BCAR3: variants seen among roughly 807,000 people sequenced by gnomAD.
BCAR3 encodes BCAR3 adaptor protein, NSP family member.
Under a neutral mutation model 80.1 loss-of-function variants are expected in BCAR3, and 37 were observed. The ratio of observed to expected loss-of-function variants is 0.46; its 90% CI spans 0.36 to 0.61. BCAR3 has a LOEUF of 0.61. BCAR3 is among the 20% of genes least tolerant of loss of function. BCAR3 has a pLI of 0.00. For missense variants in BCAR3, 978 were observed against 1,068.2 expected, an observed-to-expected ratio of 0.92 and a Z score of 1.18; for synonymous variants, 389 against 418.9, an observed-to-expected ratio of 0.93 and a Z score of 0.87.
intron 2 of BCAR3, among the ~76,000 whole-genome samples, chr1:93,800,203 T>C (rs11164998): frequency 0.14 from 21,671 of 152,104 alleles, 2,496 homozygotes; most frequent in African/African-American, 0.31. Flanking sequence ...TTCATATCCA[T>C]ATTGGGGTAG....
chr1:93,748,005 C>T lies in BCAR3; in HGVS notation c.-62-41863G>A, dbSNP rs565099085. ...CTGGTGGTTCATTGGAAGGCCCTCA[C>T]CTTTAGTGAGTAGAAATGTCTGCTT... On this transcript the variant is annotated intron_variant, in intron 2 of 13. Coordinates refer to the BCAR3 transcript ENST00000370244. 2.8e-3 allele frequency among the ~76,000 whole-genome samples: 428 copies of T among 151,898 alleles called. 3 individuals carry two copies. The highest frequency in any genetic ancestry group is 8.0e-3 in the Admixed American group (123 of 15,284).
intron 2 of BCAR3, among the ~76,000 whole-genome samples, chr1:93,715,340 G>T (rs369453681): frequency 1.3e-5 from 2 of 152,150 alleles, no homozygotes; most frequent in African/African-American, 4.8e-5. Flanking sequence ...TCCCTGGAAA[G>T]GTTGTAAGTT....
chr1:93,588,457 G>A (rs1674035146), intron 5 of BCAR3, among the ~76,000 whole-genome samples: 1 of 152,042 alleles, frequency 6.6e-6, no homozygotes, highest in East Asian at 1.9e-4. Flanking sequence ...TTAGGACACC[G>A]TGTTCGCTAT....
rs1018464278 is a variant in BCAR3, at chr1:93,814,298, C to T, written c.-63+31269G>A. Reference sequence around the variant, plus strand: ...ATGTGATTGACAAAGGACCAGATGCCCTGAGTACGAACTCTGACACTTCAC... The same window carrying T: ...ATGTGATTGACAAAGGACCAGATGCTCTGAGTACGAACTCTGACACTTCAC... On this transcript the variant is annotated intron_variant, in intron 2 of 13. Coordinates refer to the BCAR3 transcript ENST00000370244. Among the ~76,000 whole-genome samples, 7 of 152,176 alleles carry T rather than the reference C, an allele frequency of 4.6e-5. 1 individual carries two copies. The highest frequency in any genetic ancestry group is 6.5e-5 in the Admixed American group (1 of 15,282).
chr1:93,770,707 G>A (rs1046126084), intron 2 of BCAR3, among the ~76,000 whole-genome samples: 1 of 152,148 alleles, frequency 6.6e-6, no homozygotes, highest in Non-Finnish European at 1.5e-5. Flanking sequence ...AGTCGTTGGT[G>A]GGAGAACTAG....
chr1:93,562,388 G>A lies in BCAR3; in HGVS notation c.2331C>T (p.Ile777=), dbSNP rs748027776. The A allele has an allele frequency of 6.2e-7, 1 of 1,613,838 alleles. No homozygotes were observed. The highest frequency in any genetic ancestry group is 1.1e-5 in the South Asian group (1 of 90,950). ...GFQPDEEMNE[I]CKTEFQMRLL... ...ATCGCATTTGAAATTCAGTCTTGCA[G>A]ATTTCATTCATTTCTTCATCTGGTT... Residue 777 remains isoleucine (I), a synonymous_variant, in exon 12 of 12, where the codon ATC becomes ATT. Transcript: ENST00000260502.
At chr1:93,847,514 A>G (rs1049594528), upstream of BCAR3, 1 of 152,390 alleles carries the variant, frequency 6.6e-6, no homozygotes, top group African/African-American at 2.4e-5. Context: ...CGCGGTCGGA[A>G]GAGCGCGGGG....
chr1:93,564,656 A>T lies in BCAR3; in HGVS notation c.2300-2237T>A, dbSNP rs1203104753. ...CAGAAGGTTATACTTTAGCTCTTAC[A>T]TTTTGGGTCTATGATCCATTTTGGA... On this transcript the variant is annotated intron_variant, in intron 11 of 11. Coordinates refer to ENST00000260502, the MANE Select transcript of BCAR3 (RefSeq NM_003567.4). Among the ~76,000 whole-genome samples the T allele has an allele frequency of 2.0e-5, 3 of 152,174 alleles. No individual in the cohort carries two copies. The East Asian group carries it at 5.8e-4, about 29-fold the overall frequency.
At chr1:93,614,466 G>A (rs1222698439) in intron 3 of BCAR3, among the ~76,000 whole-genome samples, 1 of 152,012 alleles carries the variant, frequency 6.6e-6, no homozygotes, top group Non-Finnish European at 1.5e-5. Context: ...GAGGAAAGGA[G>A]GTGGCCTAAA....
At chr1:93,726,879 G>A (rs1049058216) in intron 2 of BCAR3, among the ~76,000 whole-genome samples, 6 of 152,148 alleles carry the variant, frequency 3.9e-5, no homozygotes, top group Non-Finnish European at 8.8e-5. Context: ...TCAACAGCCT[G>A]TACTTCCTTT....
intron 3 of BCAR3, among the ~76,000 whole-genome samples, chr1:93,633,671 A>G (rs986082592): frequency 1.3e-5 from 2 of 152,124 alleles, no homozygotes; most frequent in African/African-American, 2.4e-5. Context: ...CTCTGGCTCT[A>G]TCGCCCAGTC....
intron 5 of BCAR3, chr1:93,585,153 G>GGTGT: frequency 1.0e-6 from 1 of 985,468 alleles, no homozygotes; most frequent in Non-Finnish European, 1.2e-6. Flanking sequence ...AGAACGGCAG[G>GGTGT]GTGTGGAATG....
intron 2 of BCAR3, among the ~76,000 whole-genome samples, chr1:93,803,385 T>C (rs560455322): frequency 4.2e-4 from 64 of 152,270 alleles, no homozygotes; most frequent in Middle Eastern, 3.4e-3. Context: ...CTTTCTTCCT[T>C]CCTAGCAATT....
intron 2 of BCAR3, among the ~76,000 whole-genome samples, chr1:93,767,573 T>C (rs993194353): frequency 6.6e-6 from 1 of 150,910 alleles, no homozygotes; most frequent in Non-Finnish European, 1.5e-5. Flanking sequence ...ACCACATAAA[T>C]GTATTACACC....
At chr1:93,684,660 G>A (rs1277984708), upstream of BCAR3, among the ~76,000 whole-genome samples, 4 of 152,174 alleles carry the variant, frequency 2.6e-5, no homozygotes, top group Non-Finnish European at 4.4e-5. Flanking sequence ...AATACTTGTC[G>A]TATGCCTACT....
chr1:93,562,965 AAAC>A (rs1209432672), intron 11 of BCAR3, among the ~76,000 whole-genome samples: 3 of 152,130 alleles, frequency 2.0e-5, no homozygotes, highest in Admixed American at 6.5e-5. Context: ...ACTCATTAAA[AAAC>A]AATAGAGTGA....
Position 93,798,310 on chromosome 1 carries a change from A to G in BCAR3, c.-63+47257T>C, listed in dbSNP as rs187359893. Among the ~76,000 whole-genome samples, 209 of 152,296 alleles carry G rather than the reference A, an allele frequency of 1.4e-3. 2 individuals carry two copies. The highest frequency in any genetic ancestry group is 4.7e-3 in the African/African-American group (196 of 41,568). On this transcript the variant is annotated intron_variant, in intron 2 of 13. Coordinates refer to the BCAR3 transcript ENST00000370244. The stretch of plus-strand genomic sequence containing the variant: ...GAGCCCCTTCACTTTAAACATGGCC[A>G]TCTCTACAGTTTCATTTGATATTAG...
intron 7 of BCAR3, among the ~76,000 whole-genome samples, chr1:93,576,678 G>C (rs1372924090): frequency 6.6e-6 from 1 of 152,250 alleles, no homozygotes; most frequent in East Asian, 1.9e-4. Flanking sequence ...AATGTGTACA[G>C]TGATTGGAAA....
intron 2 of BCAR3, among the ~76,000 whole-genome samples, chr1:93,827,754 A>C (rs1654420330): frequency 6.6e-6 from 1 of 151,896 alleles, no homozygotes; most frequent in Admixed American, 6.6e-5. Context: ...GAGGAGAGAA[A>C]GGAGAAGGGA....
Sources: allele counts gnomAD v4.1 joint callset (sites outside exome capture counted in the v4.1 genomes callset), GRCh38; gene constraint gnomAD v4.1.1; transcripts MANE v1.5; gene names NCBI Gene and HGNC (gene_info 2026-07-23, HGNC 2026-07-21).